MACROD2: variants seen among roughly 807,000 people sequenced by gnomAD.
The protein encoded by MACROD2 is mono-ADP ribosylhydrolase 2.
A neutral mutation model predicts 70.4 loss-of-function variants in MACROD2; 36 were observed. That is an observed-to-expected ratio of 0.51 (90% CI 0.39 to 0.68). The LOEUF (loss-of-function observed/expected upper bound fraction) is 0.68, where lower values mean the gene tolerates loss of function less well. Among genes scored for constraint, MACROD2 ranks in the 30% least tolerant of loss-of-function variants. MACROD2 has a pLI of 0.00. For missense variants in MACROD2, 496 were observed against 538.4 expected (o/e 0.92, Z 0.78); for synonymous variants, 172 against 178.8 (o/e 0.96, Z 0.30).
intron 3 of MACROD2, among the ~76,000 whole-genome samples, chr20:14,259,976 G>A (rs1384994159): frequency 6.6e-6 from 1 of 152,162 alleles, no homozygotes; most frequent in Non-Finnish European, 1.5e-5. Context: ...AAAGTGGTTG[G>A]GGACAAGTGT....
intron 8 of MACROD2, among the ~76,000 whole-genome samples, chr20:15,841,360 T>A (rs183948827): frequency 2.2e-4 from 33 of 152,284 alleles, no homozygotes; most frequent in African/African-American, 7.7e-4. Flanking sequence ...TACCTGAGAC[T>A]GGGTAATTTA....
chr20:15,848,276 A>G (rs1251527664), intron 8 of MACROD2, among the ~76,000 whole-genome samples: 1 of 151,876 alleles, frequency 6.6e-6, no homozygotes, highest in Non-Finnish European at 1.5e-5. Flanking sequence ...CTAAGTCATG[A>G]TTTTCCACCT....
At chr20:14,618,553 G>A (rs963858902) in intron 4 of MACROD2, among the ~76,000 whole-genome samples, 2 of 152,104 alleles carry the variant, frequency 1.3e-5, no homozygotes, top group African/African-American at 4.8e-5. Flanking sequence ...CTCGGGAATG[G>A]GCAGTCAGTG....
intron 5 of MACROD2, among the ~76,000 whole-genome samples, chr20:14,715,148 T>G (rs2071383086): frequency 6.6e-6 from 1 of 152,110 alleles, no homozygotes; most frequent in Admixed American, 6.5e-5. Flanking sequence ...GCAAACACAT[T>G]ATGCTTCTCA....
At chr20:15,651,730 T>A (rs1449860173) in intron 8 of MACROD2, among the ~76,000 whole-genome samples, 1 of 152,174 alleles carries the variant, frequency 6.6e-6, no homozygotes, top group South Asian at 2.1e-4. Context: ...CACTCGAGAT[T>A]ATTCCTGGAT....
rs571889613 is a variant in MACROD2, at chr20:15,069,684, G to C, written c.419-160256G>C. 3.9e-5 allele frequency among the ~76,000 whole-genome samples: 6 copies of C among 152,342 alleles called. No homozygotes were observed. In the East Asian group the frequency reaches 1.2e-3, roughly 29 times the overall value. On this transcript the variant is annotated intron_variant, in intron 5 of 17. Transcript: ENST00000684519. Reference sequence around the variant, plus strand: ...GTGGAGAGCACAAGCCATAAGCCTTGGTGAGTTCCATGTGTTGCGAAGTCT... The same window carrying C: ...GTGGAGAGCACAAGCCATAAGCCTTCGTGAGTTCCATGTGTTGCGAAGTCT...
intron 6 of MACROD2, among the ~76,000 whole-genome samples, chr20:15,352,187 G>A (rs1322903773): frequency 6.6e-6 from 1 of 152,162 alleles, no homozygotes; most frequent in East Asian, 1.9e-4. Context: ...TTGGCAGGAT[G>A]AGAGCAGTGC....
intron 3 of MACROD2, among the ~76,000 whole-genome samples, chr20:14,348,747 T>C (rs1372156939): frequency 6.6e-6 from 1 of 152,164 alleles, no homozygotes; most frequent in Non-Finnish European, 1.5e-5. Context: ...AGGAACCATA[T>C]ATGCATTTTT....
At chr20:15,739,965 A>G (rs747001636) in intron 8 of MACROD2, among the ~76,000 whole-genome samples, 20 of 152,344 alleles carry the variant, frequency 1.3e-4, no homozygotes, top group Middle Eastern at 6.8e-3. Context: ...CAGTTTCTCT[A>G]TTAGTCAAGA....
chr20:14,649,024 C>T (rs894304641), intron 4 of MACROD2, among the ~76,000 whole-genome samples: 1 of 152,168 alleles, frequency 6.6e-6, no homozygotes, highest in Admixed American at 6.5e-5. Flanking sequence ...AAGTAATCAG[C>T]AGACCTGGAG....
chr20:15,462,895 A>G (rs2046837122), intron 7 of MACROD2, among the ~76,000 whole-genome samples: 1 of 152,186 alleles, frequency 6.6e-6, no homozygotes, highest in South Asian at 2.1e-4. Flanking sequence ...CTTATCCAGT[A>G]AAAGGGTTTT....
At chr20:14,162,204 TG>T (rs1457567999) in intron 3 of MACROD2, among the ~76,000 whole-genome samples, 2 of 152,242 alleles carry the variant, frequency 1.3e-5, no homozygotes, top group Admixed American at 1.3e-4. Context: ...TATTGATTTA[TG>T]GTTTTATTTT....
At chr20:15,485,543 A>G (rs1276252266) in intron 7 of MACROD2, among the ~76,000 whole-genome samples, 1 of 152,146 alleles carries the variant, frequency 6.6e-6, no homozygotes, top group African/African-American at 2.4e-5. Flanking sequence ...TTATTCTACC[A>G]CAAACTTGGT....
chr20:14,963,804 A>T (rs751897038), intron 5 of MACROD2, among the ~76,000 whole-genome samples: 23 of 152,188 alleles, frequency 1.5e-4, no homozygotes, highest in Non-Finnish European at 2.6e-4. Flanking sequence ...GAGGAGAAGG[A>T]TCCTCAAATC....
intron 5 of MACROD2, among the ~76,000 whole-genome samples, chr20:15,123,594 G>A (rs986904184): frequency 1.3e-5 from 1 of 75,320 alleles, no homozygotes; most frequent in Non-Finnish European, 2.6e-5. Flanking sequence ...TAAAGTATGT[G>A]AAATTCATTG....
chr20:15,813,511 C>G (rs1260911357), intron 8 of MACROD2, among the ~76,000 whole-genome samples: 2 of 152,142 alleles, frequency 1.3e-5, no homozygotes, highest in Non-Finnish European at 2.9e-5. Flanking sequence ...GATGCAGTGG[C>G]TCACACTTAT....
chr20:14,997,371 C>T (rs2074958893), intron 5 of MACROD2, among the ~76,000 whole-genome samples: 1 of 152,214 alleles, frequency 6.6e-6, no homozygotes, highest in East Asian at 1.9e-4. Context: ...TACCTGTTGA[C>T]CAAAGAGTCC....
intron 4 of MACROD2, among the ~76,000 whole-genome samples, chr20:14,680,459 C>T (rs2070918475): frequency 6.6e-6 from 1 of 152,050 alleles, no homozygotes; most frequent in African/African-American, 2.4e-5. Flanking sequence ...AGGGATTTAT[C>T]ATAGAACTTA....
chr20:15,082,702 T>C (rs964819488), intron 5 of MACROD2, among the ~76,000 whole-genome samples: 1 of 152,138 alleles, frequency 6.6e-6, no homozygotes, highest in Non-Finnish European at 1.5e-5. Context: ...AATGAAGATT[T>C]ACAATTTTGA....
Sources: allele counts gnomAD v4.1 joint callset (sites outside exome capture counted in the v4.1 genomes callset), GRCh38; gene constraint gnomAD v4.1.1; transcripts MANE v1.5; gene names NCBI Gene and HGNC (gene_info 2026-07-23, HGNC 2026-07-21).